The following FOXP1 variants were observed in gnomAD, a reference collection of about 807,000 sequenced individuals.
The protein encoded by FOXP1 is forkhead box protein P1.
FOXP1 carries 15 observed loss-of-function variants against 98.2 expected under a neutral mutation model. The observed-to-expected ratio is 0.15, with a 90% confidence interval of 0.10 to 0.24. The LOEUF (loss-of-function observed/expected upper bound fraction) is 0.24, where lower values mean the gene tolerates loss of function less well. FOXP1 is among the 10% of genes least tolerant of loss of function. The pLI, the probability that FOXP1 is intolerant of heterozygous loss-of-function variation, is 1.00. For missense variants in FOXP1, 633 were observed against 848.5 expected (o/e 0.75, Z 3.15); for synonymous variants, 371 against 314.5 (o/e 1.18, Z -1.90).
intron 2 of FOXP1, among the ~76,000 whole-genome samples, chr3:71,569,281 T>C (rs2047149996): frequency 6.6e-6 from 1 of 152,146 alleles, no homozygotes; most frequent in African/African-American, 2.4e-5. Context: ...AGCAGTTCCG[T>C]TTACCAAATA....
At chr3:71,040,474 T>G (rs1330312682) in intron 11 of FOXP1, 1 of 152,174 alleles carries the variant, frequency 6.6e-6, no homozygotes, top group Non-Finnish European at 1.5e-5. Flanking sequence ...CATTGTATTT[T>G]CTATTCTTGA....
chr3:71,503,623 A>C (rs2041585268), intron 2 of FOXP1, among the ~76,000 whole-genome samples: 1 of 145,628 alleles, frequency 6.9e-6, no homozygotes, highest in Non-Finnish European at 1.5e-5. Flanking sequence ...AAAAAAAAAC[A>C]CCACGAATTA....
At chr3:71,519,804 A>T (rs1175891685) in intron 2 of FOXP1, among the ~76,000 whole-genome samples, 1 of 152,250 alleles carries the variant, frequency 6.6e-6, no homozygotes, top group Non-Finnish European at 1.5e-5. Flanking sequence ...ATCTCTATAA[A>T]GGTGCTAACC....
chr3:71,340,850 G>A (rs1275084509), intron 4 of FOXP1, among the ~76,000 whole-genome samples: 2 of 152,216 alleles, frequency 1.3e-5, no homozygotes, highest in Non-Finnish European at 2.9e-5. Flanking sequence ...TTCAGAGAGT[G>A]TTTTAATTCT....
intron 3 of FOXP1, among the ~76,000 whole-genome samples, chr3:71,448,313 A>G (rs2086639746): frequency 6.6e-6 from 1 of 152,166 alleles, no homozygotes; most frequent in African/African-American, 2.4e-5. Flanking sequence ...GTCTGCGAAA[A>G]CAGTATGGGC....
intron 6 of FOXP1, chr3:71,130,658 C>G (rs1297200851): frequency 3.1e-6 from 5 of 1,595,444 alleles, no homozygotes; most frequent in Non-Finnish European, 4.2e-6. Context: ...CTGAAGCACA[C>G]TCGAAGAGAA....
At chr3:71,277,765 G>T (rs959855503) in intron 5 of FOXP1, among the ~76,000 whole-genome samples, 1 of 122,792 alleles carries the variant, frequency 8.1e-6, no homozygotes, top group East Asian at 2.2e-4. Flanking sequence ...CTTCATAGAG[G>T]TATTTTCCCT....
chr3:71,201,161 T>G (rs2063648812), intron 5 of FOXP1, among the ~76,000 whole-genome samples: 1 of 152,206 alleles, frequency 6.6e-6, no homozygotes, highest in South Asian at 2.1e-4. Context: ...ATATTCTTAC[T>G]GTCCACAGAG....
At chr3:70,965,803 A>G (rs2034637642) in intron 20 of FOXP1, 87 bp downstream of exon 20, 3 of 1,319,782 alleles carry the variant, frequency 2.3e-6, no homozygotes, top group East Asian at 2.3e-5. Flanking sequence ...AAAGGTATAT[A>G]AAGCCCAGAG....
intron 11 of FOXP1, among the ~76,000 whole-genome samples, chr3:71,017,819 G>T (rs747287199): frequency 6.6e-6 from 1 of 152,140 alleles, no homozygotes; most frequent in Non-Finnish European, 1.5e-5. Context: ...GCTACCAGAA[G>T]ATACATTCAG....
At position 70,957,995 on chromosome 3, in the gene FOXP1, T is replaced by A. The variant is rs370376108; in HGVS notation, c.*1252A>T. On this transcript the variant is annotated 3_prime_UTR_variant, in exon 21 of 21. Transcript: ENST00000649528. ...CAGCTGCTCGGGGAAGCCGGTTTTT[T>A]TTTTTGGCCATTTTGCAAACAAAAC... 3.3e-5 allele frequency: 8 copies of A among 245,362 alleles called. No individual in the cohort carries two copies. Among genetic ancestry groups the A allele is most frequent in the African/African-American group, 1.1e-4 (5 of 45,382 alleles). The allele number at this position is 245,362 out of a possible 1,614,324, so 15.2% of individuals were successfully genotyped here. A position where few individuals can be genotyped will look rare whatever the true frequency, so the allele number is the denominator to read the frequency against.
intron 7 of FOXP1, among the ~76,000 whole-genome samples, chr3:71,092,901 G>A (rs2056034727): frequency 6.6e-6 from 1 of 152,146 alleles, no homozygotes; most frequent in African/African-American, 2.4e-5. Context: ...GATATATGAA[G>A]ACACCACATT....
At chr3:71,377,446 C>T (rs2079807391) in intron 3 of FOXP1, among the ~76,000 whole-genome samples, 1 of 152,114 alleles carries the variant, frequency 6.6e-6, no homozygotes, top group Non-Finnish European at 1.5e-5. Flanking sequence ...CACATTCAAC[C>T]AATGGCATTT....
chr3:71,001,101 C>T (rs1242543643), intron 12 of FOXP1, 42 bp from the exon 13 acceptor site: 1 of 1,473,682 alleles, frequency 6.8e-7, no homozygotes, highest in Non-Finnish European at 9.5e-7. Context: ...AATGGAGAAA[C>T]AAAAAGGAAA....
At chr3:71,486,905 C>T (rs62247169) in intron 3 of FOXP1, among the ~76,000 whole-genome samples, 42,870 of 152,154 alleles carry the variant, frequency 0.28, 6,406 homozygotes, top group Non-Finnish European at 0.33. Context: ...CTCCCTGGTA[C>T]AGCTTGCTTT....
chr3:71,412,629 T>C (rs1440379642), intron 3 of FOXP1, among the ~76,000 whole-genome samples: 2 of 152,114 alleles, frequency 1.3e-5, no homozygotes, highest in African/African-American at 4.8e-5. Context: ...CAACCAAACC[T>C]TGTCCTTGGG....
At chr3:70,983,085 G>GGAC (rs1372466412) in intron 14 of FOXP1, among the ~76,000 whole-genome samples, 1 of 152,194 alleles carries the variant, frequency 6.6e-6, no homozygotes, top group East Asian at 1.9e-4. Context: ...GAGGCTGGAG[G>GGAC]GACGTTACCA....
chr3:71,331,639 C>G (rs2076319880), intron 4 of FOXP1, among the ~76,000 whole-genome samples: 1 of 152,238 alleles, frequency 6.6e-6, no homozygotes, highest in South Asian at 2.1e-4. Context: ...CTGTATCTAG[C>G]TCAAGGTTTG....
chr3:71,021,450 C>T (rs2045422030), intron 11 of FOXP1, among the ~76,000 whole-genome samples: 1 of 152,140 alleles, frequency 6.6e-6, no homozygotes, highest in East Asian at 1.9e-4. Context: ...TGTTGATGAA[C>T]ATTTGGGCTA....
Sources: gnomAD v4.1 joint callset for allele counts (sites outside exome capture counted in the v4.1 genomes callset) on GRCh38, gnomAD v4.1.1 for gene constraint, MANE v1.5 for transcripts, NCBI Gene and HGNC (gene_info 2026-07-23, HGNC 2026-07-21) for gene names.